ELF1: variants seen among roughly 807,000 people sequenced by gnomAD.
ELF1 encodes E74 like ETS transcription factor 1.
A neutral mutation model predicts 59.9 loss-of-function variants in ELF1; 24 were observed. The observed-to-expected ratio is 0.40, with a 90% CI of 0.29 to 0.56. ELF1 has a LOEUF of 0.56. Among genes scored for constraint, ELF1 ranks in the 20% least tolerant of loss-of-function variants. ELF1 has a pLI of 0.44. For missense variants in ELF1, 627 were observed against 742.2 expected (o/e 0.84, Z 1.80); for synonymous variants, 248 against 266.2 (o/e 0.93, Z 0.67).
At chr13:41,022,726 G>A (rs4457871), upstream of ELF1, among the ~76,000 whole-genome samples, 520 of 152,144 alleles carry the variant, frequency 3.4e-3, 3 homozygotes, top group South Asian at 0.011. Flanking sequence ...TAAAAATACG[G>A]ATATTAGCCA....
chr13:41,036,266 A>C (rs1405602794), intron 1 of ELF1, among the ~76,000 whole-genome samples: 2 of 152,202 alleles, frequency 1.3e-5, no homozygotes, highest in Non-Finnish European at 2.9e-5. Context: ...TTCAGCAAAA[A>C]GGAATGTTCA....
intron 1 of ELF1, among the ~76,000 whole-genome samples, chr13:41,060,382 G>A (rs1459207663): frequency 6.6e-6 from 1 of 152,230 alleles, no homozygotes; most frequent in Non-Finnish European, 1.5e-5. Flanking sequence ...CGGGGGCGCT[G>A]GGAGGAGATA....
In ELF1 at chr13:40,932,627, T is replaced by C. The variant is rs143818746; in HGVS notation, c.*798A>G. Reference sequence around the variant, plus strand: ...TTGGGTCACTTATTTCTCTGCAACATTTTAGCTATTCTTACATTAGGAAAT... The same window carrying C: ...TTGGGTCACTTATTTCTCTGCAACACTTTAGCTATTCTTACATTAGGAAAT... On this transcript the variant is annotated 3_prime_UTR_variant, in exon 9 of 9. Coordinates refer to ENST00000239882, the MANE Select transcript of ELF1 (RefSeq NM_172373.4). 5.3e-5 allele frequency: 8 copies of C among 152,316 alleles called. No homozygotes were observed. The highest frequency in any genetic ancestry group is 1.9e-4 in the African/African-American group (8 of 41,578). 9.4% of individuals were successfully genotyped at this position (152,316 alleles called of 1,614,324 possible). A position where few individuals can be genotyped will look rare whatever the true frequency, so the allele number is the denominator to read the frequency against.
intron 1 of ELF1, among the ~76,000 whole-genome samples, chr13:40,994,885 C>T (rs967756660): frequency 9.2e-5 from 14 of 152,226 alleles, no homozygotes; most frequent in African/African-American, 3.4e-4. Context: ...TGCCCTAGTG[C>T]AATGGTTCCC....
chr13:40,997,505 C>G (rs980362849), intron 1 of ELF1, among the ~76,000 whole-genome samples: 18 of 152,078 alleles, frequency 1.2e-4, no homozygotes, highest in African/African-American at 4.1e-4. Context: ...ATCCACCCAC[C>G]TTGGCCTCCC....
chr13:41,023,907 T>G (rs1875782734), upstream of ELF1, among the ~76,000 whole-genome samples: 1 of 152,206 alleles, frequency 6.6e-6, no homozygotes, highest in Non-Finnish European at 1.5e-5. Flanking sequence ...TATCAGGATT[T>G]TCGTAAACAT....
At chr13:40,948,848 T>C (rs1215808471) in intron 5 of ELF1, among the ~76,000 whole-genome samples, 1 of 152,114 alleles carries the variant, frequency 6.6e-6, no homozygotes, top group Non-Finnish European at 1.5e-5. Flanking sequence ...TTTCAAACAA[T>C]AACCCCTGGG....
chr13:40,955,958 A>C (rs1871382082), intron 3 of ELF1, among the ~76,000 whole-genome samples: 1 of 104,354 alleles, frequency 9.6e-6, no homozygotes, highest in African/African-American at 4.0e-5. Context: ...CGGGGGGGTC[A>C]GCCCCCCGCC....
At chr13:41,031,202 CA>C (rs1308030884) in intron 1 of ELF1, among the ~76,000 whole-genome samples, 2 of 150,980 alleles carry the variant, frequency 1.3e-5, no homozygotes, top group East Asian at 3.9e-4. Flanking sequence ...AAAAGAAAAG[CA>C]GTACCTTTAC....
In ELF1 at chr13:41,033,686, T is replaced by G. The variant is rs144790602; in HGVS notation, c.-229+27152A>C. 9.0e-4 allele frequency among the ~76,000 whole-genome samples: 137 copies of G among 152,320 alleles called. 1 individual carries two copies. In the East Asian group the frequency reaches 0.026, roughly 29 times the overall value. On this transcript the variant is annotated intron_variant, in intron 1 of 1. Transcript: ENST00000405737. ...AACTATCTAGGTTACGTGCTCCTTA[T>G]GAGAATCTAACGCCCAATGATTTGA... is the stretch of plus-strand genomic sequence containing the variant.
rs142867035 is a variant in ELF1 at position 40,985,840 on chromosome 13, T to C, written c.-228-3558A>G. ...TTTACCCATCCTTAATTATCTATTATAGTCAGGAAGCACTCTGCTGTATTA... is the reference window on the plus strand; with the variant it reads ...TTTACCCATCCTTAATTATCTATTACAGTCAGGAAGCACTCTGCTGTATTA... On this transcript the variant is annotated intron_variant, in intron 1 of 8. Transcript: ENST00000239882. Among the ~76,000 whole-genome samples, 30 of 152,334 alleles carry C rather than the reference T, an allele frequency of 2.0e-4. No homozygotes were observed. The East Asian group carries it at 5.6e-3, about 28-fold the overall frequency.
chr13:40,991,273 C>A (rs1873838853), intron 1 of ELF1, among the ~76,000 whole-genome samples: 2 of 152,152 alleles, frequency 1.3e-5, no homozygotes, highest in South Asian at 4.1e-4. Context: ...CTAAGGAAAT[C>A]TGAATAAAGT....
chr13:41,060,367 C>T (rs1212074030), intron 1 of ELF1, among the ~76,000 whole-genome samples: 1 of 152,176 alleles, frequency 6.6e-6, no homozygotes, highest in East Asian at 1.9e-4. Context: ...AGGGTGTGGG[C>T]CGGACGGGGG....
intron 1 of ELF1, among the ~76,000 whole-genome samples, chr13:41,018,011 A>G (rs138129671): frequency 9.8e-5 from 15 of 152,326 alleles, no homozygotes; most frequent in Non-Finnish European, 2.1e-4. Context: ...ACAAAAGAGT[A>G]AGAAATAATA....
chr13:41,036,147 A>C (rs913386465), intron 1 of ELF1, among the ~76,000 whole-genome samples: 12 of 151,868 alleles, frequency 7.9e-5, no homozygotes, highest in African/African-American at 2.7e-4. Flanking sequence ...TGAACTCCTG[A>C]TCCCGTGATC....
intron 1 of ELF1, among the ~76,000 whole-genome samples, chr13:41,051,980 G>A (rs1877108832): frequency 1.6e-5 from 2 of 128,788 alleles, no homozygotes; most frequent in South Asian, 2.3e-4. Context: ...TCAGTCTGTC[G>A]CCCAGGCTAG....
chr13:40,948,009 A>G (rs937210916), intron 5 of ELF1, among the ~76,000 whole-genome samples: 1 of 152,220 alleles, frequency 6.6e-6, no homozygotes, highest in African/African-American at 2.4e-5. Context: ...CCCACCTGAA[A>G]CAATTAAAAA....
intron 1 of ELF1, among the ~76,000 whole-genome samples, chr13:41,049,711 T>G (rs1329928532): frequency 6.6e-6 from 1 of 152,222 alleles, no homozygotes; most frequent in East Asian, 1.9e-4. Flanking sequence ...ATCCTTTGGA[T>G]CTCTACAGAA....
chr13:40,933,256 G>A lies in ELF1; in HGVS notation c.*169C>T. The A allele has an allele frequency of 1.2e-6, 1 of 801,424 alleles. No homozygotes were observed. Among genetic ancestry groups the A allele is most frequent in the Non-Finnish European group, 1.9e-6 (1 of 535,052 alleles). The allele number at this position is 801,424 out of a possible 1,614,324, so 49.6% of individuals were successfully genotyped here. ...AATTCTGAAACATTTAGATAACAAA[G>A]AGAAACAGTTGAGTTTTCCTCCCTC... On this transcript the variant is annotated 3_prime_UTR_variant, in exon 9 of 9. Transcript: ENST00000239882.
Sources: gnomAD v4.1 joint callset for allele counts (sites outside exome capture counted in the v4.1 genomes callset) on GRCh38, gnomAD v4.1.1 for gene constraint, MANE v1.5 for transcripts, NCBI Gene and HGNC (gene_info 2026-07-23, HGNC 2026-07-21) for gene names.